The following ALDH1A3 variants were observed in gnomAD, a reference collection of about 807,000 sequenced individuals.
ALDH1A3 encodes the protein retinaldehyde dehydrogenase 3.
In ALDH1A3, 28 loss-of-function variants were observed where a neutral mutation model predicts 57.5. The ratio of observed to expected loss-of-function variants is 0.49; its 90% CI spans 0.36 to 0.67. The LOEUF (loss-of-function observed/expected upper bound fraction) is 0.67. ALDH1A3 is among the 30% of genes least tolerant of loss of function. The probability of loss-of-function intolerance (pLI) is 0.00; values close to 1 mark genes in which losing one functional copy is unlikely to be tolerated. For missense variants in ALDH1A3, 507 were observed against 669.4 expected, an observed-to-expected ratio of 0.76 and a Z score of 2.68; for synonymous variants, 281 against 264.8, an observed-to-expected ratio of 1.06 and a Z score of -0.59.
In ALDH1A3 at chr15:100,916,462, T is replaced by C. The variant is rs1802604; in HGVS notation, c.*1689T>C. The C allele has an allele frequency of 6.6e-6, 1 of 152,564 alleles. No individual in the cohort carries two copies. Among genetic ancestry groups the C allele is most frequent in the African/African-American group, 2.4e-5 (1 of 41,460 alleles). The allele number at this position is 152,564 out of a possible 1,614,324, so 9.5% of individuals were successfully genotyped here. A position where few individuals can be genotyped will look rare whatever the true frequency, so the allele number is the denominator to read the frequency against. On this transcript the variant is annotated 3_prime_UTR_variant, in exon 13 of 13. Coordinates refer to ENST00000329841, the MANE Select transcript of ALDH1A3 (RefSeq NM_000693.4). ...GTGGTATATTTAAACTTCTGTAATATACTGTATTTAGAAATGGAAATATAT... is the reference window on the plus strand; with the variant it reads ...GTGGTATATTTAAACTTCTGTAATACACTGTATTTAGAAATGGAAATATAT...
intron 3 of ALDH1A3, chr15:100,888,347 G>A (rs2041617396): frequency 6.6e-6 from 1 of 152,182 alleles, no homozygotes. Flanking sequence ...GGCCTCAGGT[G>A]ATCTACCGGC....
chr15:100,905,714 G>A (rs200377364), intron 10 of ALDH1A3, 27 bp downstream of exon 10: 16 of 1,515,848 alleles, frequency 1.1e-5, no homozygotes, highest in Middle Eastern at 2.2e-4. Context: ...GCAAGGCTAC[G>A]ACTTGCGGGG....
Position 100,906,991 on chromosome 15 carries a change from AATC to A in ALDH1A3, c.1234-126_1234-124del. On this transcript the variant is annotated intron_variant, in intron 10 of 12. Coordinates refer to ENST00000329841, the MANE Select transcript of ALDH1A3 (RefSeq NM_000693.4). This position sits in a 1 kb window ranked among gnomAD's most constrained non-coding sequence, Gnocchi z 4.8. ...AATGTTTGGACGTTCTTTCTTCTCT[AATC>A]ATCGTTTTTCAGGCATGTGTGTGCT... 9.9e-7 allele frequency: 1 copy of A among 1,008,530 alleles called. No homozygotes were observed. The highest frequency in any genetic ancestry group is 2.6e-5 in the East Asian group (1 of 37,918). The allele number at this position is 1,008,530 out of a possible 1,614,324, so 62.5% of individuals were successfully genotyped here.
At chr15:100,900,940 C>T (rs761196866) in intron 9 of ALDH1A3, among the ~76,000 whole-genome samples, 181 bp downstream of exon 9, 4 of 152,094 alleles carry the variant, frequency 2.6e-5, no homozygotes, top group Admixed American at 2.0e-4. Flanking sequence ...CGGGGGCTCA[C>T]GAAAGGGGGC....
At chr15:100,898,271 C>A in intron 8 of ALDH1A3, 86 bp downstream of exon 8, 2 of 1,215,654 alleles carry the variant, frequency 1.6e-6, no homozygotes, top group Non-Finnish European at 2.4e-6. Flanking sequence ...TCAAAACCAA[C>A]TGAGAGTAAG....
At chr15:100,888,712 G>C (rs1409950302) in intron 3 of ALDH1A3, 3 of 152,216 alleles carry the variant, frequency 2.0e-5, no homozygotes, top group African/African-American at 7.2e-5. Context: ...CTTTGGACAA[G>C]TTGTGAAACC....
intron 10 of ALDH1A3, 32 bp from the exon 11 acceptor site, chr15:100,907,089 C>T: frequency 6.2e-7 from 1 of 1,605,810 alleles, no homozygotes; most frequent in Non-Finnish European, 8.5e-7. Context: ...TTCAGTCATG[C>T]CTCTCATTGC....
intron 12 of ALDH1A3, among the ~76,000 whole-genome samples, chr15:100,908,724 AG>A (rs2041851509): frequency 6.6e-6 from 1 of 152,160 alleles, no homozygotes; most frequent in Admixed American, 6.5e-5. Flanking sequence ...TCTGCCCAGC[AG>A]CCATCATGCT....
intron 1 of ALDH1A3, among the ~76,000 whole-genome samples, chr15:100,884,564 G>T (rs544621996): frequency 8.3e-6 from 1 of 121,050 alleles, no homozygotes; most frequent in South Asian, 2.5e-4. Context: ...GGTTTTTCTG[G>T]GTTTTTTTTT....
intron 1 of ALDH1A3, 178 bp downstream of exon 1, chr15:100,880,184 C>T: frequency 2.4e-6 from 1 of 420,542 alleles, no homozygotes; most frequent in Non-Finnish European, 4.0e-6. Flanking sequence ...ACGTCTCGGG[C>T]GGGATCGCAG....
chr15:100,894,359 A>C lies in ALDH1A3; in HGVS notation c.666+277A>C. On this transcript the variant is annotated intron_variant, in intron 6 of 12. Transcript: ENST00000329841. This position sits in a 1 kb window ranked among gnomAD's most constrained non-coding sequence, Gnocchi z 4.5. ...GAGGACCCAGTGGTTTGTCTAGAGA[A>C]TTTTCAGGGGGGGTCAACCAAGAGG... The C allele has an allele frequency of 3.5e-6, 1 of 282,040 alleles. No individual in the cohort carries two copies. Among genetic ancestry groups the C allele is most frequent in the Non-Finnish European group, 6.7e-6 (1 of 150,334 alleles). The allele number at this position is 282,040 out of a possible 1,614,324, so 17.5% of individuals were successfully genotyped here.
At position 100,885,278 on chromosome 15, in the gene ALDH1A3, C is replaced by T; in HGVS notation, c.111C>T (p.Asn37=). 1 of 1,612,240 alleles carries T rather than the reference C, an allele frequency of 6.2e-7. No homozygotes were observed. The highest frequency in any genetic ancestry group is 8.5e-7 in the Non-Finnish European group (1 of 1,178,320). Residue 37 remains asparagine (N), a synonymous_variant, in exon 2 of 13, where the codon AAC becomes AAT. Transcript: ENST00000329841. ...LEVKFTKIFI[N]NEWHESKSGK... ...CCTTTCCTGGTTAGATATTTATCAA[C>T]AATGAATGGCACGAATCCAAGAGTG...
At chr15:100,912,940 C>T (rs1367810980) in intron 12 of ALDH1A3, among the ~76,000 whole-genome samples, 1 of 30,130 alleles carries the variant, frequency 3.3e-5, no homozygotes, top group Non-Finnish European at 7.4e-5. Flanking sequence ...GGGCGGATCA[C>T]GAGGTCAGGA....
intron 1 of ALDH1A3, chr15:100,880,513 G>C (rs939240833): frequency 1.7e-5 from 5 of 302,698 alleles, no homozygotes; most frequent in African/African-American, 1.1e-4. Context: ...CGGGTCCTCC[G>C]AGCAAAGCGC....
intron 12 of ALDH1A3, 167 bp from the exon 13 acceptor site, chr15:100,914,534 T>G: frequency 1.7e-6 from 1 of 583,388 alleles, no homozygotes; most frequent in South Asian, 2.3e-5. Context: ...CTACTGACAC[T>G]TACTAGTGCT....
intron 7 of ALDH1A3, among the ~76,000 whole-genome samples, chr15:100,896,567 G>T (rs2041706039): frequency 6.6e-6 from 1 of 152,168 alleles, no homozygotes; most frequent in Non-Finnish European, 1.5e-5. Context: ...AGATTGCTAA[G>T]AACTGAAATG....
At chr15:100,902,234 C>G (rs947118768) in intron 9 of ALDH1A3, among the ~76,000 whole-genome samples, 2 of 152,130 alleles carry the variant, frequency 1.3e-5, no homozygotes, top group East Asian at 3.8e-4. Context: ...CCAGATACAC[C>G]GATTTCTTCC....
rs936299575 is a variant in ALDH1A3 at position 100,889,039 on chromosome 15, C to T, written c.345+1327C>T. On this transcript the variant is annotated intron_variant, in intron 3 of 12. Transcript: ENST00000329841. The surrounding 1 kb of genome is among the most constrained non-coding windows in gnomAD (Gnocchi z 5.1). ...TTTTTTAGCAGGATCCTCAGACCCTCCTCTGGTCATGAGGGAGTGATCAGA... is the reference window on the plus strand; with the variant it reads ...TTTTTTAGCAGGATCCTCAGACCCTTCTCTGGTCATGAGGGAGTGATCAGA... 5.3e-5 allele frequency: 8 copies of T among 152,248 alleles called. No individual in the cohort carries two copies. Among genetic ancestry groups the T allele is most frequent in the Admixed American group, 2.0e-4 (3 of 15,290 alleles). 9.4% of individuals were successfully genotyped at this position (152,248 alleles called of 1,614,324 possible).
intron 12 of ALDH1A3, among the ~76,000 whole-genome samples, chr15:100,911,366 C>T (rs576724353): frequency 6.6e-6 from 1 of 152,360 alleles, no homozygotes; most frequent in Admixed American, 6.5e-5. Flanking sequence ...ATTCCTCTTC[C>T]TCCTGGGAGC....
Sources: allele counts gnomAD v4.1 joint callset (sites outside exome capture counted in the v4.1 genomes callset), GRCh38; gene constraint gnomAD v4.1.1; non-coding constraint Gnocchi (gnomAD v3.1); transcripts MANE v1.5; gene names NCBI Gene and HGNC (gene_info 2026-07-23, HGNC 2026-07-21).